Variants in BAZ2B observed in about 807,000 individuals in gnomAD.
BAZ2B encodes bromodomain adjacent to zinc finger domain protein 2B.
Under a neutral mutation model 246.0 loss-of-function variants are expected in BAZ2B, and 91 were observed. The ratio of observed to expected loss-of-function variants is 0.37; its 90% confidence interval spans 0.31 to 0.44. The LOEUF (loss-of-function observed/expected upper bound fraction) is 0.44. Ranked by LOEUF, BAZ2B falls within the 20% of genes least tolerant of loss-of-function variation. The probability of loss-of-function intolerance (pLI) is 1.00; values close to 1 mark genes in which losing one functional copy is unlikely to be tolerated. For missense variants in BAZ2B, 2,332 were observed against 2,533.7 expected (o/e 0.92, Z 1.71); for synonymous variants, 855 against 860.0 (o/e 0.99, Z 0.10).
chr2:159,657,312 T>C, the BAZ2B span, among the ~76,000 whole-genome samples: 156 of 152,294 alleles, frequency 1.0e-3, 1 homozygote, highest in Non-Finnish European at 2.0e-3. Context: ...GTAGGTCTAT[T>C]TCTGTGTTCT....
intron 1 of BAZ2B, among the ~76,000 whole-genome samples, chr2:159,584,310 C>T (rs1370148000): frequency 2.6e-5 from 4 of 152,026 alleles, no homozygotes; most frequent in Non-Finnish European, 5.9e-5. Context: ...TTAGCAGAGA[C>T]GCGGTTTCAC....
the BAZ2B span, among the ~76,000 whole-genome samples, chr2:159,622,944 C>G: frequency 4.1e-5 from 6 of 147,278 alleles, no homozygotes; most frequent in African/African-American, 1.5e-4. Context: ...TGGACTCCAG[C>G]CAGGGTGACA....
At chr2:159,702,274 A>C in the BAZ2B span, among the ~76,000 whole-genome samples, 2 of 152,226 alleles carry the variant, frequency 1.3e-5, no homozygotes, top group African/African-American at 4.8e-5. Context: ...TCTTTCTTTT[A>C]ATCAGAATTA....
chr2:159,597,576 G>A (rs909836166), intron 1 of BAZ2B, among the ~76,000 whole-genome samples: 2 of 152,114 alleles, frequency 1.3e-5, no homozygotes, highest in Admixed American at 6.5e-5. Context: ...GCCCAGGCTG[G>A]AGTGCAGTGA....
the BAZ2B span, among the ~76,000 whole-genome samples, chr2:159,677,891 T>C: frequency 6.6e-6 from 1 of 152,206 alleles, no homozygotes; most frequent in Non-Finnish European, 1.5e-5. Flanking sequence ...TGCTATATTG[T>C]TTACATCCCC....
In BAZ2B at chr2:159,562,763, AG is replaced by A. The variant is rs1397327743; in HGVS notation, c.-45-6899del. Among the ~76,000 whole-genome samples, 8 of 152,194 alleles carry A rather than the reference AG, an allele frequency of 5.3e-5. No individual in the cohort carries two copies. The East Asian group carries it at 1.2e-3, about 22-fold the overall frequency. On this transcript the variant is annotated intron_variant, in intron 1 of 36. Coordinates refer to ENST00000392783, the MANE Select transcript of BAZ2B (RefSeq NM_013450.4). ...GTTAAACCTTTAGGAATTAAGTTAA[AG>A]CACATTGCCTGATTATAGAAATTTT...
At chr2:159,325,413 G>A (rs894678168) in intron 35 of BAZ2B, among the ~76,000 whole-genome samples, 1 of 151,280 alleles carries the variant, frequency 6.6e-6, no homozygotes, top group Non-Finnish European at 1.5e-5. Flanking sequence ...TTTCAGGTGT[G>A]AGCCGCTGTG....
downstream of BAZ2B, among the ~76,000 whole-genome samples, chr2:159,316,926 G>A (rs1203833470): frequency 1.3e-5 from 2 of 151,574 alleles, no homozygotes; most frequent in Non-Finnish European, 2.9e-5. Context: ...ACTTGAACCC[G>A]TGAGGCGGAG....
At chr2:159,382,926 C>A in intron 24 of BAZ2B, 124 bp from the exon 25 acceptor site, 1 of 1,267,866 alleles carries the variant, frequency 7.9e-7, no homozygotes. Context: ...AGCGATATAC[C>A]AATGTTAAAA....
chr2:159,662,162 T>C, the BAZ2B span, among the ~76,000 whole-genome samples: 2 of 152,254 alleles, frequency 1.3e-5, no homozygotes, highest in Non-Finnish European at 2.9e-5. Context: ...CACTGTAGCA[T>C]GCACCACTAT....
At chr2:159,561,731 AT>A (rs1443774185) in intron 1 of BAZ2B, among the ~76,000 whole-genome samples, 1 of 152,182 alleles carries the variant, frequency 6.6e-6, no homozygotes, top group Non-Finnish European at 1.5e-5. Flanking sequence ...TTGAAAAATT[AT>A]TTTCTCCATT....
chr2:159,658,144 T>C, the BAZ2B span, among the ~76,000 whole-genome samples: 1 of 152,198 alleles, frequency 6.6e-6, no homozygotes, highest in Non-Finnish European at 1.5e-5. Context: ...TAAATGGGTG[T>C]TGGACTTTGT....
Position 159,542,636 on chromosome 2 carries a change from C to CTAAAAA in BAZ2B, c.-3+13181_-3+13186dup, listed in dbSNP as rs199801241. On this transcript the variant is annotated intron_variant, in intron 2 of 36. Transcript: ENST00000392783. ...CAGGCAAGAGAGTAAGATCCTGTCT[C>CTAAAAA]TAAAAATAAAAATAAAAATAAAGAA... Among the ~76,000 whole-genome samples, 728 of 151,446 alleles carry CTAAAAA rather than the reference C, an allele frequency of 4.8e-3. 5 individuals carry two copies. Among genetic ancestry groups the CTAAAAA allele is most frequent in the African/African-American group, 0.016 (679 of 41,246 alleles).
chr2:159,409,618 A>G (rs1351837217), intron 14 of BAZ2B, among the ~76,000 whole-genome samples: 1 of 152,176 alleles, frequency 6.6e-6, no homozygotes, highest in Non-Finnish European at 1.5e-5. Flanking sequence ...ATAATAATAT[A>G]CAACAAAAAC....
the BAZ2B span, among the ~76,000 whole-genome samples, chr2:159,638,988 C>T: frequency 6.6e-6 from 1 of 152,012 alleles, no homozygotes; most frequent in South Asian, 2.1e-4. Context: ...ATAAAATATT[C>T]TAAAAGCAGC....
chr2:159,495,666 T>G (rs1242790751), intron 2 of BAZ2B, among the ~76,000 whole-genome samples: 1 of 152,096 alleles, frequency 6.6e-6, no homozygotes, highest in Non-Finnish European at 1.5e-5. Flanking sequence ...TCATCTTTAC[T>G]TATAAATTTT....
chr2:159,386,124 A>T (rs948710180), intron 22 of BAZ2B, among the ~76,000 whole-genome samples: 1 of 152,144 alleles, frequency 6.6e-6, no homozygotes, highest in Admixed American at 6.6e-5. Context: ...GTCTTTGCCT[A>T]CAGCTAGAGG....
intron 3 of BAZ2B, among the ~76,000 whole-genome samples, chr2:159,469,004 T>C (rs1013196981): frequency 2.7e-5 from 4 of 149,670 alleles, no homozygotes; most frequent in African/African-American, 4.9e-5. Flanking sequence ...TGAGCTGAGA[T>C]TGAGCCATTG....
chr2:159,335,656 A>T (rs2065541220), intron 33 of BAZ2B, among the ~76,000 whole-genome samples: 1 of 152,162 alleles, frequency 6.6e-6, no homozygotes. Flanking sequence ...AGCAGTGAAA[A>T]ACCATAGAAG....
Sources: allele counts gnomAD v4.1 joint callset (sites outside exome capture counted in the v4.1 genomes callset), GRCh38; gene constraint gnomAD v4.1.1; transcripts MANE v1.5; gene names NCBI Gene and HGNC (gene_info 2026-07-23, HGNC 2026-07-21).